Variants in FPGT observed in about 807,000 individuals in gnomAD.
FPGT encodes fucose-1-phosphate guanylyltransferase.
Under a neutral mutation model 45.8 loss-of-function variants are expected in FPGT, and 41 were observed. The ratio of observed to expected loss-of-function variants is 0.90; its 90% CI spans 0.70 to 1.16. The LOEUF (loss-of-function observed/expected upper bound fraction) is 1.16, where lower values mean the gene tolerates loss of function less well. FPGT is among the 50% of genes most tolerant of loss of function. FPGT has a pLI of 0.00. For missense variants in FPGT, 755 were observed against 689.1 expected (o/e 1.10, Z -1.07); for synonymous variants, 292 against 247.2 (o/e 1.18, Z -1.70).
In FPGT at chr1:74,204,947, C is replaced by T; in HGVS notation, c.900C>T (p.Ala300=). 1 of 1,614,040 alleles carries T rather than the reference C, an allele frequency of 6.2e-7. No homozygotes were observed. The highest frequency in any genetic ancestry group is 1.3e-5 in the African/African-American group (1 of 75,042). Residue 300 remains alanine (A), a synonymous_variant, in exon 4 of 4, where the codon GCC becomes GCT. Transcript: ENST00000370898. Reference sequence around the variant, plus strand: ...GCACACTGAGCTGTGAAATAGATGCCTATGGTGACTTTCTGCAGGCTTTGG... The same window carrying T: ...GCACACTGAGCTGTGAAATAGATGCTTATGGTGACTTTCTGCAGGCTTTGG... ...KIGTLSCEID[A]YGDFLQALGP... is the part of the protein sequence containing the mutation.
chr1:74,198,536 TG>T, intron 1 of FPGT, 176 bp downstream of exon 1: 1 of 764,980 alleles, frequency 1.3e-6, no homozygotes, highest in Non-Finnish European at 2.1e-6. Flanking sequence ...TCACTGTCCC[TG>T]CTTGACATGC....
chr1:74,203,871 G>A lies in FPGT; in HGVS notation c.344-520G>A, dbSNP rs907541740. ...AGCCTGGCCAACATGGTGAAACTTCGTCTCTACTAAAAATACAAAAATTAG... is the reference window on the plus strand; with the variant it reads ...AGCCTGGCCAACATGGTGAAACTTCATCTCTACTAAAAATACAAAAATTAG... On this transcript the variant is annotated intron_variant, in intron 3 of 3. Coordinates refer to ENST00000370898, the MANE Select transcript of FPGT (RefSeq NM_003838.5). Among the ~76,000 whole-genome samples, 5 of 151,690 alleles carry A rather than the reference G, an allele frequency of 3.3e-5. No individual in the cohort carries two copies. The South Asian group carries it at 6.3e-4, about 19-fold the overall frequency.
Position 74,204,596 on chromosome 1 carries a change from T to G in FPGT, c.549T>G (p.Phe183Leu). The change falls in exon 4 of 4, where the codon TTT (phenylalanine) becomes TTG (leucine). Residue 183 changes from phenylalanine (F) to leucine (L), a missense_variant. Physicochemically the swap from Phe to Leu is conservative, Grantham distance 22. Coordinates refer to ENST00000370898, the MANE Select transcript of FPGT (RefSeq NM_003838.5). ...YSIGEFEFIR[F>L]DKPGFTALAH... is the part of the protein sequence containing the mutation. The stretch of plus-strand genomic sequence containing the variant: ...TTGGAGAATTTGAGTTTATTAGGTT[T>G]GACAAACCTGGCTTTACTGCTTTAG... 2 of 1,613,630 alleles carry G rather than the reference T, an allele frequency of 1.2e-6. No individual in the cohort carries two copies. Among genetic ancestry groups the G allele is most frequent in the Non-Finnish European group, 1.7e-6 (2 of 1,179,578 alleles).
rs779291014 is a variant in FPGT at position 74,205,730 on chromosome 1, G to C, written c.1683G>C (p.Leu561Phe). The change falls in exon 4 of 4, where the codon TTG becomes TTC. Residue 561 changes from leucine (L) to phenylalanine (F), a missense_variant. By Grantham distance (22) the Leu-to-Phe change is conservative (BLOSUM62 0). Transcript: ENST00000370898. Reference protein sequence around the residue: ...KSAFSLNSYKLLSIEEMLIYK... With the variant: ...KSAFSLNSYKFLSIEEMLIYK... The stretch of plus-strand genomic sequence containing the variant: ...CATTCAGCCTGAATAGCTATAAGTT[G>C]CTGTCCATTGAAGAAATGCTTATCT... 2 of 1,606,034 alleles carry C rather than the reference G, an allele frequency of 1.2e-6. No homozygotes were observed. Among genetic ancestry groups the C allele is most frequent in the South Asian group, 2.2e-5 (2 of 90,926 alleles).
Position 74,208,694 on chromosome 1 carries a change from A to G in FPGT, c.*2862A>G, listed in dbSNP as rs1186152663. Reference sequence around the variant, plus strand: ...GTATACTGATTGAAATAAAGCTTTAAAAATCCAAGTGATACTCTGAAATTG... The same window carrying G: ...GTATACTGATTGAAATAAAGCTTTAGAAATCCAAGTGATACTCTGAAATTG... On this transcript the variant is annotated 3_prime_UTR_variant, in exon 4 of 4. Coordinates refer to ENST00000370898, the MANE Select transcript of FPGT (RefSeq NM_003838.5). Among the ~76,000 whole-genome samples the G allele has an allele frequency of 2.0e-5, 3 of 152,082 alleles. No individual in the cohort carries two copies. Among genetic ancestry groups the G allele is most frequent in the African/African-American group, 7.2e-5 (3 of 41,422 alleles).
rs375107941 is a variant in FPGT, at chr1:74,204,672, G to T, written c.625G>T (p.Asp209Tyr). 24 of 1,612,462 alleles carry T rather than the reference G, an allele frequency of 1.5e-5. No homozygotes were observed. Among genetic ancestry groups the T allele is most frequent in the Non-Finnish European group, 2.0e-5 (24 of 1,178,508 alleles). Residue 209 changes from aspartate (D) to tyrosine (Y), a missense_variant, in exon 4 of 4, where the codon GAT becomes TAT. Asp to Tyr is a radical substitution (Grantham distance 160, BLOSUM62 -3). Coordinates refer to ENST00000370898, the MANE Select transcript of FPGT (RefSeq NM_003838.5). Reference protein sequence around the residue: ...IGTTHGVFVLDPFDDLKHRDL... With the variant: ...IGTTHGVFVLYPFDDLKHRDL... The stretch of plus-strand genomic sequence containing the variant: ...TACCACACATGGAGTATTTGTCTTA[G>T]ATCCTTTTGATGATTTAAAACATAG...
chr1:74,203,590 A>G (rs1652001350), intron 3 of FPGT, among the ~76,000 whole-genome samples: 1 of 151,526 alleles, frequency 6.6e-6, no homozygotes, highest in Admixed American at 6.6e-5. Context: ...ATGGGGTTTC[A>G]CCGTGTTAGC....
intron 3 of FPGT, among the ~76,000 whole-genome samples, chr1:74,202,890 C>T (rs1651925352): frequency 6.6e-6 from 1 of 152,090 alleles, no homozygotes; most frequent in African/African-American, 2.4e-5. Flanking sequence ...TACACTGGGT[C>T]AGGATCATCA....
rs1257044631 is a variant in FPGT at position 74,204,740 on chromosome 1, C to A, written c.693C>A (p.Pro231=). The A allele has an allele frequency of 6.2e-7, 1 of 1,614,012 alleles. No homozygotes were observed. The highest frequency in any genetic ancestry group is 1.1e-5 in the South Asian group (1 of 91,078). Residue 231 remains proline, a synonymous_variant, in exon 4 of 4, where the codon CCC becomes CCA. Transcript: ENST00000370898. ...CTTGCCATCGTTTCCTTCATAAGCCCAGCATAGAAAAGATGTATCAGTTTA... is the reference window on the plus strand; with the variant it reads ...CTTGCCATCGTTTCCTTCATAAGCCAAGCATAGAAAAGATGTATCAGTTTA... ...YRSCHRFLHK[P]SIEKMYQFNA... is the part of the protein sequence containing the mutation.
At position 74,208,421 on chromosome 1, in the gene FPGT, A is replaced by G. The variant is rs1026782616; in HGVS notation, c.*2589A>G. Among the ~76,000 whole-genome samples, 5 of 152,016 alleles carry G rather than the reference A, an allele frequency of 3.3e-5. No individual in the cohort carries two copies. The highest frequency in any genetic ancestry group is 1.2e-4 in the African/African-American group (5 of 41,410). ...GTTTTATCAGCAGTAGAAAAATAAG[A>G]CCTACATGGATAAGTTTGAAATTAA... On this transcript the variant is annotated 3_prime_UTR_variant, in exon 4 of 4. Transcript: ENST00000370898.
At chr1:74,198,880 C>T in intron 1 of FPGT, among the ~76,000 whole-genome samples, 1 of 152,112 alleles carries the variant, frequency 6.6e-6, no homozygotes, top group South Asian at 2.1e-4. Context: ...GTACACCTGT[C>T]TAATAAAAGT....
At chr1:74,201,235 T>C in intron 2 of FPGT, 83 bp from the exon 3 acceptor site, 2 of 1,125,322 alleles carry the variant, frequency 1.8e-6, no homozygotes, top group East Asian at 4.8e-5. Context: ...CTTAAGGTTA[T>C]ATAACACCTA....
intron 2 of FPGT, 122 bp from the exon 3 acceptor site, chr1:74,201,196 T>C: frequency 3.0e-6 from 2 of 673,616 alleles, no homozygotes; most frequent in South Asian, 3.7e-5. Flanking sequence ...TTGATGTCCA[T>C]CTATTTACTT....
intron 3 of FPGT, among the ~76,000 whole-genome samples, chr1:74,203,871 G>T (rs907541740): frequency 1.3e-5 from 2 of 151,572 alleles, no homozygotes; most frequent in African/African-American, 2.4e-5. Context: ...GTGAAACTTC[G>T]TCTCTACTAA....
rs1652387584 is a variant in FPGT, at chr1:74,207,628, A to G, written c.*1796A>G. ...AAGATCGGACCTGTGATTCTATTCA[A>G]AGTCAGAAAGAGATTTCTCACAAAT... On this transcript the variant is annotated 3_prime_UTR_variant, in exon 4 of 4. Transcript: ENST00000370898. 6.6e-6 allele frequency among the ~76,000 whole-genome samples: 1 copy of G among 151,976 alleles called. No homozygotes were observed. Among genetic ancestry groups the G allele is most frequent in the Non-Finnish European group, 1.5e-5 (1 of 67,942 alleles).
chr1:74,204,462 C>T lies in FPGT; in HGVS notation c.415C>T (p.Pro139Ser), dbSNP rs1404138087. 1.2e-6 allele frequency: 2 copies of T among 1,608,224 alleles called. No homozygotes were observed. The highest frequency in any genetic ancestry group is 2.7e-5 in the African/African-American group (2 of 74,800). ...TTTCACTGCTTTACCTCTTGGTAAC[C>T]CCATTTATCAGATGCTAGAATTAAA... ...KIFTALPLGN[P>S]IYQMLELKLA... Residue 139 changes from proline (P) to serine (S), a missense_variant, in exon 4 of 4, where the codon CCC (proline) becomes TCC (serine). Coordinates refer to ENST00000370898, the MANE Select transcript of FPGT (RefSeq NM_003838.5).
At chr1:74,202,441 A>G (rs755592409) in intron 3 of FPGT, among the ~76,000 whole-genome samples, 3 of 152,238 alleles carry the variant, frequency 2.0e-5, no homozygotes, top group Non-Finnish European at 4.4e-5. Context: ...ATTTTATTTA[A>G]GAAAATAATT....
In FPGT at chr1:74,204,731, T is replaced by C; in HGVS notation, c.684T>C (p.Leu228=). Reference sequence around the variant, plus strand: ...AATACAGGTCTTGCCATCGTTTCCTTCATAAGCCCAGCATAGAAAAGATGT... The same window carrying C: ...AATACAGGTCTTGCCATCGTTTCCTCCATAAGCCCAGCATAGAAAAGATGT... ...DLEYRSCHRF[L]HKPSIEKMYQ... The change falls in exon 4 of 4, where the codon CTT becomes CTC. Residue 228 remains leucine (L), a synonymous_variant. Coordinates refer to ENST00000370898, the MANE Select transcript of FPGT (RefSeq NM_003838.5). 1.2e-6 allele frequency: 2 copies of C among 1,614,096 alleles called. No individual in the cohort carries two copies. Among genetic ancestry groups the C allele is most frequent in the Non-Finnish European group, 1.7e-6 (2 of 1,179,978 alleles).
At position 74,205,457 on chromosome 1, in the gene FPGT, A is replaced by C. The variant is rs1201859499; in HGVS notation, c.1410A>C (p.Ala470=). The C allele has an allele frequency of 6.2e-7, 1 of 1,613,964 alleles. No homozygotes were observed. Among genetic ancestry groups the C allele is most frequent in the Admixed American group, 1.7e-5 (1 of 60,024 alleles). ...GATGCTTAAAGTATGCAACTATGGC[A>C]TTTGGAGTGCAAGACAACTTGAAAA... ...MNRCLKYATM[A]FGVQDNLKKS... is the part of the protein sequence containing the mutation. The change falls in exon 4 of 4, where the codon GCA becomes GCC. Residue 470 remains alanine (A), a synonymous_variant. Transcript: ENST00000370898.
Sources: allele counts gnomAD v4.1 joint callset (sites outside exome capture counted in the v4.1 genomes callset), GRCh38; gene constraint gnomAD v4.1.1; transcripts MANE v1.5; gene names NCBI Gene and HGNC (gene_info 2026-07-23, HGNC 2026-07-21).